The following SIN3A variants were observed in gnomAD, a reference collection of about 807,000 sequenced individuals.
SIN3A encodes the protein SIN3 transcription regulator family member A.
Under a neutral mutation model 146.1 loss-of-function variants are expected in SIN3A, and 14 were observed. The ratio of observed to expected loss-of-function variants is 0.10; its 90% confidence interval spans 0.06 to 0.15. The LOEUF (loss-of-function observed/expected upper bound fraction) is 0.15. Among genes scored for constraint, SIN3A ranks in the 10% least tolerant of loss-of-function variants. The pLI is 1.00. For missense variants in SIN3A, 1,028 were observed against 1,576.0 expected (o/e 0.65, Z 5.89); for synonymous variants, 572 against 572.0 (o/e 1.00, Z 0.00).
intron 20 of SIN3A, among the ~76,000 whole-genome samples, chr15:75,374,667 A>G (rs1471463567): frequency 6.6e-6 from 1 of 152,246 alleles, no homozygotes. Context: ...TTGAGCCACA[A>G]TGGTGTTTGT....
chr15:75,388,029 G>C (rs575581035), intron 16 of SIN3A, among the ~76,000 whole-genome samples: 88 of 152,228 alleles, frequency 5.8e-4, no homozygotes, highest in African/African-American at 2.0e-3. Context: ...AGATACTGTG[G>C]GAGGAGTACA....
chr15:75,400,670 C>T (rs2073394459), intron 11 of SIN3A, 60 bp downstream of exon 11: 1 of 1,210,338 alleles, frequency 8.3e-7, no homozygotes, highest in Non-Finnish European at 1.2e-6. Context: ...CTTGGTACCA[C>T]CACTCCCTTC....
intron 2 of SIN3A, among the ~76,000 whole-genome samples, chr15:75,428,981 A>G (rs1324847077): frequency 1.3e-5 from 2 of 152,052 alleles, no homozygotes; most frequent in Non-Finnish European, 2.9e-5. Context: ...CTTCCTTATG[A>G]TTTTCTTAGT....
At chr15:75,428,324 T>A (rs927116343) in intron 2 of SIN3A, among the ~76,000 whole-genome samples, 6 of 152,080 alleles carry the variant, frequency 3.9e-5, no homozygotes, top group Non-Finnish European at 5.9e-5. Flanking sequence ...TTTTGTTTTG[T>A]TTTTAAGGAG....
chr15:75,454,394 ATAG>A (rs1013429674), upstream of SIN3A, among the ~76,000 whole-genome samples: 2 of 152,018 alleles, frequency 1.3e-5, no homozygotes, highest in Admixed American at 1.3e-4. Context: ...GGCGGAGTAG[ATAG>A]TAAACAGTCT....
intron 3 of SIN3A, among the ~76,000 whole-genome samples, chr15:75,418,097 T>C (rs1454120630): frequency 6.6e-6 from 1 of 150,428 alleles, no homozygotes; most frequent in Non-Finnish European, 1.5e-5. Flanking sequence ...AAAGGCACGA[T>C]CTCAGCTCAA....
At chr15:75,422,493 C>A in intron 3 of SIN3A, 154 bp downstream of exon 3, 1 of 850,268 alleles carries the variant, frequency 1.2e-6, no homozygotes, top group Non-Finnish European at 1.9e-6. Context: ...AGATAGGAAA[C>A]ATAAGCAAAT....
Position 75,394,766 on chromosome 15 carries a change from G to T in SIN3A, c.2191C>A (p.His731Asn). 1 of 1,614,006 alleles carries T rather than the reference G, an allele frequency of 6.2e-7. No individual in the cohort carries two copies. The highest frequency in any genetic ancestry group is 8.5e-7 in the Non-Finnish European group (1 of 1,179,928). ...TTCTGTTTAAAGTTGATCCCCTGGT[G>T]GTCCAGAGACTTCAAGTAGTATTTC... Reference protein sequence around the residue: ...NEKYYLKSLDHQGINFKQNDT... With the variant: ...NEKYYLKSLDNQGINFKQNDT... Residue 731 changes from histidine (H) to asparagine (N), a missense_variant, in exon 14 of 21, where the codon CAC (histidine) becomes AAC (asparagine). His to Asn is a moderately conservative substitution (Grantham distance 68). Coordinates refer to ENST00000394947, the MANE Select transcript of SIN3A (RefSeq NM_001145358.2).
At position 75,384,411 on chromosome 15, in the gene SIN3A, G is replaced by A. The variant is rs779256877; in HGVS notation, c.3048C>T (p.Ile1016=). ...RQLQHIVSDE[I]CVQVTDLYLA... is the part of the protein sequence containing the mutation. ...GGTAAAGGTCAGTCACCTGCACACAGATCTCATCACTCACGATATGCTGCA... is the reference window on the plus strand; with the variant it reads ...GGTAAAGGTCAGTCACCTGCACACAAATCTCATCACTCACGATATGCTGCA... The change falls in exon 17 of 21, where the codon ATC becomes ATT. Residue 1016 remains isoleucine (I), a synonymous_variant. Transcript: ENST00000394947. The A allele has an allele frequency of 4.3e-6, 7 of 1,612,522 alleles. No individual in the cohort carries two copies. The highest frequency in any genetic ancestry group is 1.7e-5 in the Admixed American group (1 of 59,744).
chr15:75,391,498 C>T (rs1273610074), intron 15 of SIN3A, among the ~76,000 whole-genome samples: 1 of 123,860 alleles, frequency 8.1e-6, no homozygotes, highest in Non-Finnish European at 1.6e-5. Flanking sequence ...ACATCAGCAA[C>T]ACATAAAAAA....
At chr15:75,421,575 G>GT (rs1233999025) in intron 3 of SIN3A, 4 of 152,166 alleles carry the variant, frequency 2.6e-5, no homozygotes, top group African/African-American at 9.6e-5. Flanking sequence ...AAGAACTAAA[G>GT]TAAGTATCAG....
intron 13 of SIN3A, among the ~76,000 whole-genome samples, chr15:75,395,558 TGA>T (rs943038083): frequency 3.3e-5 from 5 of 152,170 alleles, no homozygotes; most frequent in African/African-American, 1.2e-4. Context: ...CAGATGATAC[TGA>T]GAGAGAACCA....
Position 75,371,994 on chromosome 15 carries a change from T to A in SIN3A, c.3807A>T (p.Val1269=), listed in dbSNP as rs781555823. The A allele has an allele frequency of 2.5e-6, 4 of 1,614,204 alleles. No homozygotes were observed. The change falls in exon 21 of 21, where the codon GTA becomes GTT. Residue 1269 remains valine (V), a synonymous_variant. Transcript: ENST00000394947. ...INKYRVKYGT[V]FKAP ...GGCTTTGCAGTTAAGGGGCTTTGAA[T>A]ACTGTGCCGTATTTGACACGATACT...
At chr15:75,420,801 G>C (rs2073829326) in intron 3 of SIN3A, 2 of 152,182 alleles carry the variant, frequency 1.3e-5, no homozygotes, top group Admixed American at 1.3e-4. Context: ...AAATTACATG[G>C]AGGTACAAGA....
chr15:75,375,121 C>G (rs745778524), intron 20 of SIN3A, among the ~76,000 whole-genome samples: 3 of 152,096 alleles, frequency 2.0e-5, no homozygotes, highest in Non-Finnish European at 4.4e-5. Flanking sequence ...GAACTGTATT[C>G]TCCTTAAAAT....
chr15:75,437,370 C>T (rs2074125914), intron 1 of SIN3A, among the ~76,000 whole-genome samples: 1 of 152,056 alleles, frequency 6.6e-6, no homozygotes, highest in African/African-American at 2.4e-5. Flanking sequence ...TCTCGATATG[C>T]TGCCCAGGCT....
intron 16 of SIN3A, among the ~76,000 whole-genome samples, chr15:75,387,174 G>A (rs909776326): frequency 6.6e-6 from 1 of 152,282 alleles, no homozygotes; most frequent in Admixed American, 6.5e-5. Flanking sequence ...AATATGAGGA[G>A]AATGAGAGAA....
At chr15:75,381,131 C>G (rs1050086231) in intron 18 of SIN3A, 1 of 181,418 alleles carries the variant, frequency 5.5e-6, no homozygotes, top group Non-Finnish European at 1.2e-5. Context: ...GCCAACATTC[C>G]CACCAAAACA....
At chr15:75,383,058 A>G (rs2073004620) in intron 17 of SIN3A, among the ~76,000 whole-genome samples, 1 of 151,598 alleles carries the variant, frequency 6.6e-6, no homozygotes, top group Non-Finnish European at 1.5e-5. Context: ...CTGCACTCCA[A>G]GCCTGGACAA....
Sources: gnomAD v4.1 joint callset for allele counts (sites outside exome capture counted in the v4.1 genomes callset) on GRCh38, gnomAD v4.1.1 for gene constraint, MANE v1.5 for transcripts, NCBI Gene and HGNC (gene_info 2026-07-23, HGNC 2026-07-21) for gene names.